Variants in ANKS1B observed in about 807,000 individuals in gnomAD.
The protein encoded by ANKS1B is ankyrin repeat and sterile alpha motif domain-containing protein 1B.
Under a neutral mutation model 148.3 loss-of-function variants are expected in ANKS1B, and 36 were observed. The observed-to-expected ratio is 0.24, with a 90% CI of 0.19 to 0.32. ANKS1B has a LOEUF of 0.32. ANKS1B is among the 10% of genes least tolerant of loss of function. The probability of loss-of-function intolerance (pLI) is 1.00; values close to 1 mark genes in which losing one functional copy is unlikely to be tolerated. For missense variants in ANKS1B, 1,157 were observed against 1,542.6 expected (o/e 0.75, Z 4.19); for synonymous variants, 542 against 560.8 (o/e 0.97, Z 0.47).
At chr12:98,814,772 C>A (rs1321244004) in intron 19 of ANKS1B, among the ~76,000 whole-genome samples, 1 of 152,150 alleles carries the variant, frequency 6.6e-6, no homozygotes, top group Admixed American at 6.5e-5. Context: ...GAAACCCAAA[C>A]AAATAGGGGT....
At chr12:99,941,722 T>C (rs539443490) in intron 1 of ANKS1B, among the ~76,000 whole-genome samples, 5 of 152,214 alleles carry the variant, frequency 3.3e-5, no homozygotes, top group African/African-American at 9.6e-5. Flanking sequence ...GGAAGGAGCA[T>C]TTAAGTTGAA....
chr12:99,133,825 C>T (rs184122327), intron 15 of ANKS1B, among the ~76,000 whole-genome samples: 52 of 152,218 alleles, frequency 3.4e-4, no homozygotes, highest in Non-Finnish European at 4.6e-4. Flanking sequence ...ATAATAGCAA[C>T]GATGATAACT....
At chr12:99,648,488 A>G (rs1257652398) in intron 9 of ANKS1B, 1 of 1,614,148 alleles carries the variant, frequency 6.2e-7, no homozygotes, top group Admixed American at 1.7e-5. Context: ...CCTGCCACCC[A>G]GAAAAGAGAA....
intron 8 of ANKS1B, among the ~76,000 whole-genome samples, chr12:99,716,894 C>T (rs1455966214): frequency 6.6e-6 from 1 of 152,142 alleles, no homozygotes; most frequent in East Asian, 1.9e-4. Flanking sequence ...TGCTTCTCCA[C>T]CCTATAATCC....
intron 9 of ANKS1B, among the ~76,000 whole-genome samples, chr12:99,624,945 C>T (rs2098095272): frequency 6.6e-6 from 1 of 152,048 alleles, no homozygotes; most frequent in African/African-American, 2.4e-5. Context: ...AACCTGCGCT[C>T]ATATGTTTAT....
intron 17 of ANKS1B, among the ~76,000 whole-genome samples, chr12:98,968,244 T>C (rs887814480): frequency 6.6e-6 from 1 of 152,138 alleles, no homozygotes; most frequent in South Asian, 2.1e-4. Flanking sequence ...ACCCCACTAC[T>C]GCTCCAGACT....
chr12:99,590,479 T>A (rs2097692015), intron 9 of ANKS1B, among the ~76,000 whole-genome samples: 2 of 152,176 alleles, frequency 1.3e-5, no homozygotes, highest in African/African-American at 2.4e-5. Context: ...CTATTTCTCA[T>A]GTCTGTCCCT....
rs376957910 is a variant in ANKS1B at position 99,254,118 on chromosome 12, T to C, written c.1757-7254A>G. Among the ~76,000 whole-genome samples the C allele has an allele frequency of 1.5e-3, 221 of 152,308 alleles. 2 individuals carry two copies. The highest frequency in any genetic ancestry group is 5.1e-3 in the African/African-American group (212 of 41,582). On this transcript the variant is annotated intron_variant, in intron 12 of 26. Coordinates refer to ENST00000683438, the MANE Select transcript of ANKS1B (RefSeq NM_001352186.2). Reference sequence around the variant, plus strand: ...GATCCTGAACTAGATCCTTTGATCATAAACAATATTATTGGGTAAACCAGC... The same window carrying C: ...GATCCTGAACTAGATCCTTTGATCACAAACAATATTATTGGGTAAACCAGC...
chr12:99,767,589 T>A (rs1601737452), intron 8 of ANKS1B, among the ~76,000 whole-genome samples: 1 of 152,116 alleles, frequency 6.6e-6, no homozygotes, highest in East Asian at 1.9e-4. Flanking sequence ...TAGAAAATTT[T>A]TTCAGATGAT....
At chr12:99,351,655 T>A (rs1233576587) in intron 12 of ANKS1B, among the ~76,000 whole-genome samples, 1 of 152,014 alleles carries the variant, frequency 6.6e-6, no homozygotes, top group Non-Finnish European at 1.5e-5. Context: ...ATAATACAGA[T>A]AAAAGAGCAA....
intron 15 of ANKS1B, among the ~76,000 whole-genome samples, chr12:99,131,556 C>T (rs540065453): frequency 2.0e-5 from 3 of 152,164 alleles, no homozygotes; most frequent in Admixed American, 1.3e-4. Context: ...AACAACCAAC[C>T]GTTCCTGTAA....
At chr12:99,010,757 ATTATTT>A (rs1359639352) in intron 17 of ANKS1B, among the ~76,000 whole-genome samples, 1 of 96,090 alleles carries the variant, frequency 1.0e-5, no homozygotes, top group East Asian at 2.5e-4. Context: ...TATTATTATT[ATTATTT>A]TTTTTTGAGA....
chr12:99,399,289 G>A (rs986778869), intron 12 of ANKS1B, among the ~76,000 whole-genome samples: 7 of 152,050 alleles, frequency 4.6e-5, no homozygotes, highest in Non-Finnish European at 7.4e-5. Context: ...TAAGTTCTCC[G>A]GCTTCAAAGC....
At chr12:99,860,121 T>A (rs1446854292) in intron 1 of ANKS1B, among the ~76,000 whole-genome samples, 1 of 152,016 alleles carries the variant, frequency 6.6e-6, no homozygotes, top group Admixed American at 6.6e-5. Context: ...AGGAGAGAGA[T>A]GAAAACATGG....
chr12:99,430,667 G>A (rs1471166687), intron 11 of ANKS1B, among the ~76,000 whole-genome samples: 1 of 152,136 alleles, frequency 6.6e-6, no homozygotes, highest in Non-Finnish European at 1.5e-5. Context: ...CATTGGGGAA[G>A]GAACTAAGCA....
chr12:99,952,771 A>G (rs2095250640), intron 1 of ANKS1B, among the ~76,000 whole-genome samples: 1 of 152,226 alleles, frequency 6.6e-6, no homozygotes, highest in Admixed American at 6.5e-5. Context: ...TCAGAAAATT[A>G]AAGGTAACTC....
chr12:99,557,308 T>A (rs534337545), intron 9 of ANKS1B, among the ~76,000 whole-genome samples: 1 of 152,228 alleles, frequency 6.6e-6, no homozygotes, highest in African/African-American at 2.4e-5. Flanking sequence ...GAGATGCCAA[T>A]GGGTCATAGA....
chr12:99,562,129 G>A (rs1438524808), intron 9 of ANKS1B, among the ~76,000 whole-genome samples: 3 of 152,172 alleles, frequency 2.0e-5, no homozygotes, highest in African/African-American at 7.2e-5. Flanking sequence ...GTAATACCTT[G>A]AAATAAATCT....
At chr12:99,727,070 A>C (rs2058688516) in intron 8 of ANKS1B, among the ~76,000 whole-genome samples, 1 of 152,190 alleles carries the variant, frequency 6.6e-6, no homozygotes. Context: ...TTCCCTTTGA[A>C]AACTGGTGCA....
Sources: gnomAD v4.1 joint callset for allele counts (sites outside exome capture counted in the v4.1 genomes callset) on GRCh38, gnomAD v4.1.1 for gene constraint, MANE v1.5 for transcripts, NCBI Gene and HGNC (gene_info 2026-07-23, HGNC 2026-07-21) for gene names.